ZMYM1: variants seen among roughly 807,000 people sequenced by gnomAD.
The protein encoded by ZMYM1 is zinc finger MYM-type protein 1.
A neutral mutation model predicts 60.0 loss-of-function variants in ZMYM1; 39 were observed. The ratio of observed to expected loss-of-function variants is 0.65; its 90% CI spans 0.50 to 0.85. The LOEUF (loss-of-function observed/expected upper bound fraction) is 0.85. Among genes scored for constraint, ZMYM1 ranks in the 40% least tolerant of loss-of-function variants. The probability of loss-of-function intolerance (pLI) is 0.00; values close to 1 mark genes in which losing one functional copy is unlikely to be tolerated. For synonymous variants in ZMYM1, 413 were observed against 454.0 expected (o/e 0.91, Z 1.15); for missense variants, 1,171 against 1,309.5 (o/e 0.89, Z 1.63).
intron 7 of ZMYM1, among the ~76,000 whole-genome samples, chr1:35,110,839 C>T (rs1389272216): frequency 2.0e-5 from 3 of 152,002 alleles, no homozygotes; most frequent in Non-Finnish European, 1.5e-5. Flanking sequence ...GAGGCTGAGA[C>T]AGGAGAATCA....
At position 35,113,040 on chromosome 1, in the gene ZMYM1, A is replaced by G; in HGVS notation, c.1210A>G (p.Ser404Gly). 2 of 1,613,750 alleles carry G rather than the reference A, an allele frequency of 1.2e-6. No individual in the cohort carries two copies. Among genetic ancestry groups the G allele is most frequent in the East Asian group, 4.5e-5 (2 of 44,866 alleles). ...TGCTAGTAGTAGTACGGAACAGCCAAGCGTTTCACCATCTTCATCAGTATT... is the reference window on the plus strand; with the variant it reads ...TGCTAGTAGTAGTACGGAACAGCCAGGCGTTTCACCATCTTCATCAGTATT... ...AVASSSTEQP[S>G]VSPSSSVFSQ... Residue 404 changes from serine to glycine, a missense_variant, in exon 10 of 10, where the codon AGC (serine) becomes GGC (glycine). Coordinates refer to ENST00000359858, the MANE Select transcript of ZMYM1 (RefSeq NM_024772.5).
Position 35,115,388 on chromosome 1 carries a change from T to A in ZMYM1, c.*129T>A. 1.8e-6 allele frequency: 2 copies of A among 1,132,804 alleles called. No homozygotes were observed. Among genetic ancestry groups the A allele is most frequent in the Non-Finnish European group, 2.4e-6 (2 of 831,894 alleles). 70.2% of individuals were successfully genotyped at this position (1,132,804 alleles called of 1,614,324 possible). On this transcript the variant is annotated 3_prime_UTR_variant, in exon 10 of 10. Transcript: ENST00000359858. ...GTCTCCTTCCCTCCTTTAGAACTCA[T>A]TTTCTCTTCCCAAAAAGTGTTATCT...
At position 35,113,625 on chromosome 1, in the gene ZMYM1, G is replaced by A. The variant is rs1470932360; in HGVS notation, c.1795G>A (p.Glu599Lys). 1 of 1,613,300 alleles carries A rather than the reference G, an allele frequency of 6.2e-7. No homozygotes were observed. Among genetic ancestry groups the A allele is most frequent in the Non-Finnish European group, 8.5e-7 (1 of 1,179,724 alleles). Residue 599 changes from glutamate to lysine, a missense_variant, in exon 10 of 10, where the codon GAA becomes AAA. By Grantham distance (56) the Glu-to-Lys change is moderately conservative. Coordinates refer to ENST00000359858, the MANE Select transcript of ZMYM1 (RefSeq NM_024772.5). ...AGAAATGAGAGCAAAAGATAAAGGA[G>A]AAGAAACATTTCGACTTATGAATTC... ...LLEMRAKDKG[E>K]ETFRLMNSQV...
intron 4 of ZMYM1, among the ~76,000 whole-genome samples, chr1:35,104,040 A>C (rs1217555416): frequency 6.6e-6 from 1 of 152,218 alleles, no homozygotes; most frequent in Non-Finnish European, 1.5e-5. Context: ...ATTTGAGGCC[A>C]GCTTGGGCAA....
At chr1:35,062,312 A>G (rs1353099832) in intron 1 of ZMYM1, among the ~76,000 whole-genome samples, 3 of 152,186 alleles carry the variant, frequency 2.0e-5, no homozygotes, top group Non-Finnish European at 4.4e-5. Context: ...GCAAGTTGTC[A>G]ACAGAGAACA....
chr1:35,088,805 C>CTTTTTTTTTTTTTTTTTTT (rs375136566), intron 1 of ZMYM1, among the ~76,000 whole-genome samples: 1 of 119,614 alleles, frequency 8.4e-6, no homozygotes. Context: ...GGATGCTTTC[C>CTTTTTTTTTTTTTTTTTTT]TTTTTTTTTT....
At chr1:35,089,384 A>G in intron 1 of ZMYM1, among the ~76,000 whole-genome samples, 1 of 152,180 alleles carries the variant, frequency 6.6e-6, no homozygotes, top group Non-Finnish European at 1.5e-5. Context: ...TTTGTGTATA[A>G]TGCTCAAATG....
In ZMYM1 at chr1:35,114,241, T is replaced by C. The variant is rs760528169; in HGVS notation, c.2411T>C (p.Ile804Thr). 9 of 1,613,570 alleles carry C rather than the reference T, an allele frequency of 5.6e-6. No homozygotes were observed. Among genetic ancestry groups the C allele is most frequent in the African/African-American group, 5.3e-5 (4 of 74,906 alleles). Residue 804 changes from isoleucine to threonine, a missense_variant, in exon 10 of 10, where the codon ATA becomes ACA. Transcript: ENST00000359858. ...CAAAACAAAACATGCAAGAAACATA[T>C]ATCACAATCATGTTGGACAGTCCAT... ...LSQNKTCKKH[I>T]SQSCWTVHDR...
At chr1:35,097,647 CTTTT>C in intron 4 of ZMYM1, 81 bp downstream of exon 4, 1 of 1,553,512 alleles carries the variant, frequency 6.4e-7, no homozygotes, top group African/African-American at 1.4e-5. Context: ...TCTACATTTT[CTTTT>C]TTTATTTTTT....
intron 6 of ZMYM1, among the ~76,000 whole-genome samples, chr1:35,107,460 C>T (rs192258503): frequency 0.025 from 3,721 of 149,644 alleles, 78 homozygotes; most frequent in Non-Finnish European, 0.039. Context: ...CAGAGCGAGA[C>T]TCTGTCTCAG....
intron 1 of ZMYM1, among the ~76,000 whole-genome samples, chr1:35,062,790 T>C (rs973534348): frequency 1.3e-5 from 2 of 152,176 alleles, no homozygotes; most frequent in African/African-American, 4.8e-5. Context: ...GTTTAGACAA[T>C]AGGCAGAACC....
chr1:35,105,277 A>G (rs1233421478), intron 6 of ZMYM1, among the ~76,000 whole-genome samples: 3 of 143,544 alleles, frequency 2.1e-5, no homozygotes, highest in East Asian at 4.2e-4. Context: ...TGGGACTACA[A>G]GCACCCGCCA....
chr1:35,116,101 A>G (rs921736803), downstream of ZMYM1, among the ~76,000 whole-genome samples: 19 of 151,862 alleles, frequency 1.3e-4, no homozygotes, highest in African/African-American at 3.9e-4. Flanking sequence ...GAAGTGTGGT[A>G]CTGCACACCC....
intron 6 of ZMYM1, 34 bp from the exon 7 acceptor site, chr1:35,110,260 C>A: frequency 2.2e-6 from 3 of 1,391,550 alleles, no homozygotes; most frequent in Non-Finnish European, 2.8e-6. Context: ...TATCATATAC[C>A]AGGAATATGA....
chr1:35,103,890 C>T (rs1397563000), intron 4 of ZMYM1, among the ~76,000 whole-genome samples: 2 of 152,276 alleles, frequency 1.3e-5, no homozygotes, highest in Middle Eastern at 3.4e-3. Context: ...CATCATCCCT[C>T]GGTTTTCACT....
At chr1:35,109,093 C>G (rs1643998057) in intron 6 of ZMYM1, among the ~76,000 whole-genome samples, 1 of 152,114 alleles carries the variant, frequency 6.6e-6, no homozygotes. Flanking sequence ...GATCTCGGCT[C>G]ACTGCAACCT....
chr1:35,100,732 A>T (rs1643601814), intron 4 of ZMYM1, among the ~76,000 whole-genome samples: 1 of 152,076 alleles, frequency 6.6e-6, no homozygotes, highest in South Asian at 2.1e-4. Flanking sequence ...GAATGCAATC[A>T]ATAAAGTCCA....
intron 1 of ZMYM1, among the ~76,000 whole-genome samples, chr1:35,066,650 G>A (rs1321727300): frequency 3.3e-5 from 5 of 152,168 alleles, no homozygotes; most frequent in South Asian, 2.1e-4. Context: ...ATAGGTGTTC[G>A]TGATTGAAAG....
Position 35,115,177 on chromosome 1 carries a change from A to G in ZMYM1, c.3347A>G (p.Gln1116Arg), listed in dbSNP as rs761862059. 3.1e-6 allele frequency: 5 copies of G among 1,613,348 alleles called. No individual in the cohort carries two copies. Among genetic ancestry groups the G allele is most frequent in the Non-Finnish European group, 4.2e-6 (5 of 1,179,842 alleles). Residue 1116 changes from glutamine to arginine, a missense_variant, in exon 10 of 10, where the codon CAG (glutamine) becomes CGG (arginine). Physicochemically the swap from Gln to Arg is conservative, Grantham distance 43. Coordinates refer to ENST00000359858, the MANE Select transcript of ZMYM1 (RefSeq NM_024772.5). ...GGCCCAGCCCTAATGGCTGTTGAGC[A>G]GGAGTTGGTAAATAAACTAATGGAG... The part of the protein sequence containing the change: ...LTGPALMAVE[Q>R]ELVNKLMEPE...
Sources: gnomAD v4.1 joint callset for allele counts (sites outside exome capture counted in the v4.1 genomes callset) on GRCh38, gnomAD v4.1.1 for gene constraint, MANE v1.5 for transcripts, NCBI Gene and HGNC (gene_info 2026-07-23, HGNC 2026-07-21) for gene names.